Variants in NKAIN2 observed in about 807,000 individuals in gnomAD.
NKAIN2 encodes sodium/potassium transporting ATPase interacting 2, also known as sodium/potassium-transporting ATPase subunit beta-1-interacting protein 2.
NKAIN2 carries 14 observed loss-of-function variants against 32.6 expected under a neutral mutation model. The observed-to-expected ratio is 0.43, with a 90% CI of 0.28 to 0.67. NKAIN2 has a LOEUF of 0.67. Among genes scored for constraint, NKAIN2 ranks in the 30% least tolerant of loss-of-function variants. NKAIN2 has a pLI of 0.17. For synonymous variants in NKAIN2, 80 were observed against 87.2 expected (o/e 0.92, Z 0.46); for missense variants, 198 against 258.3 (o/e 0.77, Z 1.60).
intron 1 of NKAIN2, among the ~76,000 whole-genome samples, chr6:124,068,596 G>C (rs1783298373): frequency 6.6e-6 from 1 of 151,902 alleles, no homozygotes. Flanking sequence ...ATCTTTGCTT[G>C]TATTTTGAGG....
chr6:124,395,924 T>C (rs942753498), intron 3 of NKAIN2, among the ~76,000 whole-genome samples: 2 of 152,168 alleles, frequency 1.3e-5, no homozygotes, highest in Non-Finnish European at 2.9e-5. Context: ...CATTTATTCT[T>C]TAACTGTGTT....
chr6:124,699,877 ACT>A (rs1036855862), intron 4 of NKAIN2, among the ~76,000 whole-genome samples: 7 of 152,110 alleles, frequency 4.6e-5, no homozygotes, highest in African/African-American at 1.4e-4. Context: ...GGGAAATTAG[ACT>A]CTACATTCTG....
At chr6:123,829,074 C>T (rs1413664523) in intron 1 of NKAIN2, 1 of 152,158 alleles carries the variant, frequency 6.6e-6, no homozygotes, top group Non-Finnish European at 1.5e-5. Flanking sequence ...CCAATAGAGA[C>T]TGGTACCTGT....
intron 1 of NKAIN2, among the ~76,000 whole-genome samples, chr6:123,956,432 G>T (rs886768008): frequency 6.6e-6 from 1 of 152,092 alleles, no homozygotes; most frequent in Non-Finnish European, 1.5e-5. Context: ...AAACACCAGC[G>T]CACACTCTCT....
intron 1 of NKAIN2, among the ~76,000 whole-genome samples, chr6:124,183,903 A>C (rs1789577213): frequency 6.6e-6 from 1 of 152,166 alleles, no homozygotes; most frequent in African/African-American, 2.4e-5. Flanking sequence ...TATCATGTAG[A>C]ACTACAGAAA....
chr6:123,962,999 G>T (rs970541125), intron 1 of NKAIN2, among the ~76,000 whole-genome samples: 1 of 152,086 alleles, frequency 6.6e-6, no homozygotes, highest in East Asian at 1.9e-4. Flanking sequence ...TATTATTGGT[G>T]GTTAAAGCTT....
intron 1 of NKAIN2, among the ~76,000 whole-genome samples, chr6:124,066,575 A>C (rs1783190853): frequency 6.6e-6 from 1 of 152,194 alleles, no homozygotes; most frequent in Admixed American, 6.6e-5. Flanking sequence ...TTAGTCTTTA[A>C]AAATAGCATG....
chr6:124,303,366 T>A (rs1360961325), intron 2 of NKAIN2, among the ~76,000 whole-genome samples: 3 of 152,180 alleles, frequency 2.0e-5, no homozygotes, highest in African/African-American at 7.2e-5. Flanking sequence ...AAGCATAGTC[T>A]TCGGCAGCAG....
At chr6:124,265,708 G>A (rs989546569) in intron 1 of NKAIN2, among the ~76,000 whole-genome samples, 1 of 152,172 alleles carries the variant, frequency 6.6e-6, no homozygotes, top group African/African-American at 2.4e-5. Flanking sequence ...CGCATTTACA[G>A]GGCTGTAATT....
intron 1 of NKAIN2, among the ~76,000 whole-genome samples, chr6:124,079,522 T>G (rs575109134): frequency 6.6e-6 from 1 of 152,272 alleles, no homozygotes; most frequent in South Asian, 2.1e-4. Context: ...TGTGTGAGTT[T>G]GAGAGAGAAA....
intron 1 of NKAIN2, among the ~76,000 whole-genome samples, chr6:123,826,068 G>T (rs904261467): frequency 2.6e-5 from 4 of 152,054 alleles, no homozygotes; most frequent in African/African-American, 9.7e-5. Context: ...ATTTAGTGGG[G>T]TGATCCCATT....
At chr6:124,703,052 T>C (rs1487005767) in intron 4 of NKAIN2, among the ~76,000 whole-genome samples, 3 of 152,066 alleles carry the variant, frequency 2.0e-5, no homozygotes, top group Non-Finnish European at 4.4e-5. Context: ...AAAAGGGCAT[T>C]ACTACTTGTT....
At chr6:124,180,797 T>C (rs530974760) in intron 1 of NKAIN2, among the ~76,000 whole-genome samples, 2 of 152,304 alleles carry the variant, frequency 1.3e-5, no homozygotes, top group South Asian at 4.1e-4. Flanking sequence ...GGGTACAGCC[T>C]CCCTCCTGGC....
rs191069442 is a variant in NKAIN2 at position 124,648,598 on chromosome 6, A to G, written c.274-9588A>G. Among the ~76,000 whole-genome samples, 57 of 152,270 alleles carry G rather than the reference A, an allele frequency of 3.7e-4. No individual in the cohort carries two copies. In the East Asian group the frequency reaches 0.011, roughly 29 times the overall value. On this transcript the variant is annotated intron_variant, in intron 3 of 6. Coordinates refer to ENST00000368417, the MANE Select transcript of NKAIN2 (RefSeq NM_001040214.3). ...TGGAGGCCTACATTAAATTATGTGC[A>G]TCAAGTTCATGGAGTGTGATGGAAG...
chr6:124,606,013 G>A (rs779906553), intron 3 of NKAIN2, among the ~76,000 whole-genome samples: 4 of 152,010 alleles, frequency 2.6e-5, no homozygotes, highest in African/African-American at 9.7e-5. Context: ...GGATATAAAG[G>A]CATTTGAAAG....
intron 1 of NKAIN2, among the ~76,000 whole-genome samples, chr6:124,236,753 T>A (rs1333558743): frequency 6.6e-6 from 1 of 152,042 alleles, no homozygotes; most frequent in Non-Finnish European, 1.5e-5. Flanking sequence ...TAAACATAGA[T>A]GCTTCCATGT....
intron 1 of NKAIN2, among the ~76,000 whole-genome samples, chr6:124,093,144 AT>A (rs980252137): frequency 1.3e-5 from 2 of 152,222 alleles, no homozygotes; most frequent in African/African-American, 4.8e-5. Flanking sequence ...CTCCTCAAAT[AT>A]CCTGAAATTC....
At chr6:124,544,550 G>A (rs1780025316) in intron 3 of NKAIN2, among the ~76,000 whole-genome samples, 1 of 152,014 alleles carries the variant, frequency 6.6e-6, no homozygotes. Context: ...TTACCACTTA[G>A]AGTGAGCTTT....
chr6:124,472,247 T>C (rs895518242), intron 3 of NKAIN2, among the ~76,000 whole-genome samples: 2 of 152,282 alleles, frequency 1.3e-5, no homozygotes, highest in East Asian at 3.9e-4. Flanking sequence ...GAAAAATATC[T>C]AAGTGGTTTT....
Sources: allele counts gnomAD v4.1 joint callset (sites outside exome capture counted in the v4.1 genomes callset), GRCh38; gene constraint gnomAD v4.1.1; transcripts MANE v1.5; gene names NCBI Gene and HGNC (gene_info 2026-07-23, HGNC 2026-07-21).